The following COL21A1 variants were observed in gnomAD, a reference collection of about 807,000 sequenced individuals.
COL21A1 encodes the protein collagen alpha-1(XXI) chain.
A neutral mutation model predicts 137.9 loss-of-function variants in COL21A1; 149 were observed. That is an observed-to-expected ratio of 1.08 (90% confidence interval 0.95 to 1.24). The LOEUF (loss-of-function observed/expected upper bound fraction) is 1.24. Among genes scored for constraint, COL21A1 ranks in the 50% most tolerant of loss-of-function variants. The probability of loss-of-function intolerance (pLI) is 0.00; values close to 1 mark genes in which losing one functional copy is unlikely to be tolerated. For synonymous variants in COL21A1, 456 were observed against 391.5 expected (o/e 1.16, Z -1.95); for missense variants, 1,167 against 1,158.4 (o/e 1.01, Z -0.11).
chr6:56,314,753 T>C (rs1379000782), intron 1 of COL21A1, among the ~76,000 whole-genome samples: 2 of 152,186 alleles, frequency 1.3e-5, no homozygotes, highest in African/African-American at 4.8e-5. Context: ...CGAGAAGAAA[T>C]AGAAACATAT....
intron 1 of COL21A1, among the ~76,000 whole-genome samples, chr6:56,336,382 T>C (rs931879764): frequency 6.6e-5 from 10 of 152,248 alleles, no homozygotes; most frequent in Admixed American, 3.9e-4. Context: ...GAGTATCCTG[T>C]TTTATTTTTA....
chr6:56,353,099 T>C (rs966036244), intron 1 of COL21A1, among the ~76,000 whole-genome samples: 3 of 152,112 alleles, frequency 2.0e-5, no homozygotes, highest in South Asian at 2.1e-4. Flanking sequence ...TTTTAAAACA[T>C]GCCTACAAAT....
chr6:56,244,322 A>G (rs1782520830), intron 1 of COL21A1, among the ~76,000 whole-genome samples: 1 of 152,210 alleles, frequency 6.6e-6, no homozygotes, highest in South Asian at 2.1e-4. Context: ...CTGAATTGCA[A>G]CATCATAGAC....
chr6:56,384,176 G>A (rs751303182), intron 1 of COL21A1, among the ~76,000 whole-genome samples: 8 of 152,032 alleles, frequency 5.3e-5, no homozygotes, highest in Admixed American at 1.3e-4. Flanking sequence ...TGTCATCCTC[G>A]TTAGCCAAGC....
intron 1 of COL21A1, among the ~76,000 whole-genome samples, chr6:56,390,582 A>G (rs750604276): frequency 6.6e-6 from 1 of 152,020 alleles, no homozygotes; most frequent in Non-Finnish European, 1.5e-5. Flanking sequence ...ATAAAGATAC[A>G]AACAGCCTGA....
rs1371392005 is a variant in COL21A1, at chr6:56,056,848, A to G, written c.*809T>C. 1 of 152,230 alleles carries G rather than the reference A, an allele frequency of 6.6e-6. No homozygotes were observed. The highest frequency in any genetic ancestry group is 2.4e-5 in the African/African-American group (1 of 41,468). The allele number at this position is 152,230 out of a possible 1,614,324, so 9.4% of individuals were successfully genotyped here. On this transcript the variant is annotated 3_prime_UTR_variant, in exon 30 of 30. Transcript: ENST00000244728. ...ACAATGAAAATTAACATATATGGAC[A>G]TACACATATAAGTGAAATGGAAAAT...
intron 1 of COL21A1, among the ~76,000 whole-genome samples, chr6:56,382,593 A>G (rs1262944375): frequency 6.6e-6 from 1 of 152,102 alleles, no homozygotes; most frequent in Admixed American, 6.5e-5. Context: ...AGAGGCAGTA[A>G]TCTGATAGGA....
At chr6:56,140,704 G>C (rs1181811641) in intron 12 of COL21A1, among the ~76,000 whole-genome samples, 1 of 152,114 alleles carries the variant, frequency 6.6e-6, no homozygotes, top group Non-Finnish European at 1.5e-5. Flanking sequence ...AAGCCACATG[G>C]AATGTGAAGC....
rs74330830 is a variant in COL21A1, at chr6:56,219,216, C to A, written c.-39+28171G>T. Among the ~76,000 whole-genome samples, 157 of 76,246 alleles carry A rather than the reference C, an allele frequency of 2.1e-3. No homozygotes were observed. The Middle Eastern group carries it at 0.021, about 10-fold the overall frequency. 50.0% of individuals were successfully genotyped at this position (76,246 alleles called of 152,430 possible). On this transcript the variant is annotated intron_variant, in intron 1 of 29. Coordinates refer to ENST00000244728, the MANE Select transcript of COL21A1 (RefSeq NM_030820.4). ...GCACTTCCCAAAGCCAAACTTGCAC[C>A]AAAAAAAAAAAAAAAAAAAAAAAGG... is the stretch of plus-strand genomic sequence containing the variant.
intron 1 of COL21A1, among the ~76,000 whole-genome samples, chr6:56,360,840 C>G (rs1224477898): frequency 6.6e-6 from 1 of 152,168 alleles, no homozygotes; most frequent in Non-Finnish European, 1.5e-5. Flanking sequence ...TGGCTCATGC[C>G]TGTAATCACA....
intron 1 of COL21A1, among the ~76,000 whole-genome samples, chr6:56,337,892 C>T (rs1444424272): frequency 1.3e-5 from 2 of 151,848 alleles, no homozygotes; most frequent in Non-Finnish European, 2.9e-5. Flanking sequence ...CTGTAATGCT[C>T]ATCTCTTCCC....
chr6:56,266,450 G>A (rs985179836), intron 1 of COL21A1, among the ~76,000 whole-genome samples: 2 of 152,158 alleles, frequency 1.3e-5, no homozygotes, highest in African/African-American at 2.4e-5. Context: ...CACTGTAGTA[G>A]CATAGTTGGG....
At chr6:56,255,561 T>C (rs1782949329) in intron 1 of COL21A1, among the ~76,000 whole-genome samples, 1 of 152,208 alleles carries the variant, frequency 6.6e-6, no homozygotes, top group Non-Finnish European at 1.5e-5. Flanking sequence ...CTTCCTGCTC[T>C]GCCAACATTT....
At chr6:56,209,258 C>G (rs1044897150) in intron 1 of COL21A1, among the ~76,000 whole-genome samples, 1 of 152,138 alleles carries the variant, frequency 6.6e-6, no homozygotes, top group Non-Finnish European at 1.5e-5. Flanking sequence ...GCAAAGGCAA[C>G]AAAAGCCAAA....
At chr6:56,140,616 A>G (rs1352669853) in intron 12 of COL21A1, among the ~76,000 whole-genome samples, 2 of 152,194 alleles carry the variant, frequency 1.3e-5, no homozygotes, top group Non-Finnish European at 2.9e-5. Flanking sequence ...TCAAGTAACC[A>G]TGTTATAAAG....
intron 21 of COL21A1, among the ~76,000 whole-genome samples, chr6:56,070,032 T>C (rs1293698829): frequency 6.6e-6 from 1 of 151,498 alleles, no homozygotes; most frequent in Non-Finnish European, 1.5e-5. Context: ...ATAAAGTTTT[T>C]TGTTTTAAAG....
At chr6:56,292,193 G>C (rs1254806063) in intron 1 of COL21A1, among the ~76,000 whole-genome samples, 1 of 151,970 alleles carries the variant, frequency 6.6e-6, no homozygotes, top group African/African-American at 2.4e-5. Context: ...TAAAAATAAA[G>C]AGTATTTTCA....
At chr6:56,289,817 T>C (rs1763998656) in intron 1 of COL21A1, among the ~76,000 whole-genome samples, 1 of 151,638 alleles carries the variant, frequency 6.6e-6, no homozygotes, top group African/African-American at 2.4e-5. Context: ...CAGATGGAGG[T>C]CGTTAAGGGG....
intron 1 of COL21A1, among the ~76,000 whole-genome samples, chr6:56,366,743 G>C (rs1766110615): frequency 6.6e-6 from 1 of 152,320 alleles, no homozygotes; most frequent in South Asian, 2.1e-4. Flanking sequence ...TCTTCCAGAT[G>C]AGTGTTTCCA....
Sources: gnomAD v4.1 joint callset for allele counts (sites outside exome capture counted in the v4.1 genomes callset) on GRCh38, gnomAD v4.1.1 for gene constraint, MANE v1.5 for transcripts, NCBI Gene and HGNC (gene_info 2026-07-23, HGNC 2026-07-21) for gene names.